Variants in ASIC2 observed in about 807,000 individuals in gnomAD.
ASIC2 encodes the protein acid sensing ion channel subunit 2.
In ASIC2, 25 loss-of-function variants were observed where a neutral mutation model predicts 57.3. The observed-to-expected ratio is 0.44, with a 90% CI of 0.32 to 0.61. ASIC2 has a LOEUF of 0.61. ASIC2 is among the 20% of genes least tolerant of loss of function. The probability of loss-of-function intolerance (pLI) is 0.06; values close to 1 mark genes in which losing one functional copy is unlikely to be tolerated. For synonymous variants in ASIC2, 319 were observed against 307.5 expected (o/e 1.04, Z -0.39); for missense variants, 641 against 738.1 (o/e 0.87, Z 1.52).
intron 1 of ASIC2, among the ~76,000 whole-genome samples, chr17:33,787,374 C>A (rs1007357191): frequency 6.6e-6 from 1 of 152,102 alleles, no homozygotes; most frequent in African/African-American, 2.4e-5. Flanking sequence ...TTCACACATT[C>A]CCCAGGAGGG....
intron 1 of ASIC2, among the ~76,000 whole-genome samples, chr17:33,331,916 A>G (rs1365570531): frequency 1.3e-5 from 2 of 152,252 alleles, no homozygotes; most frequent in African/African-American, 2.4e-5. Flanking sequence ...TTGACTGCAC[A>G]TGAACATCAC....
At chr17:33,719,500 A>G (rs1909321364) in intron 1 of ASIC2, among the ~76,000 whole-genome samples, 1 of 152,242 alleles carries the variant, frequency 6.6e-6, no homozygotes, top group Admixed American at 6.5e-5. Context: ...TCTGTCAGGA[A>G]CTTGTCTTAA....
At chr17:33,334,055 T>C (rs1042210300) in intron 1 of ASIC2, among the ~76,000 whole-genome samples, 3 of 152,314 alleles carry the variant, frequency 2.0e-5, no homozygotes, top group Admixed American at 6.5e-5. Flanking sequence ...AGCTGCTCAG[T>C]TGCTCAAAGT....
chr17:33,992,793 CATTTAGGATGTA>C (rs1484813722), intron 1 of ASIC2, among the ~76,000 whole-genome samples: 1 of 152,168 alleles, frequency 6.6e-6, no homozygotes, highest in Non-Finnish European at 1.5e-5. Flanking sequence ...CACTGCCAAG[CATTTAGGATGTA>C]ATAAGAACGT....
chr17:33,887,681 A>T (rs1365728035), intron 1 of ASIC2, among the ~76,000 whole-genome samples: 2 of 152,176 alleles, frequency 1.3e-5, no homozygotes, highest in East Asian at 3.9e-4. Flanking sequence ...AGTTCTTGTT[A>T]GGAAAAATCA....
chr17:33,113,675 A>G (rs1305112742), intron 1 of ASIC2, among the ~76,000 whole-genome samples: 1 of 152,204 alleles, frequency 6.6e-6, no homozygotes, highest in Non-Finnish European at 1.5e-5. Context: ...AGGGGCTTCT[A>G]CCCTGTGCCA....
intron 1 of ASIC2, among the ~76,000 whole-genome samples, chr17:34,013,353 C>A (rs962723384): frequency 6.6e-6 from 1 of 152,108 alleles, no homozygotes; most frequent in African/African-American, 2.4e-5. Flanking sequence ...CCTCCCAGGC[C>A]CACCCCCTTC....
chr17:33,692,981 C>A (rs1190110797), intron 1 of ASIC2, among the ~76,000 whole-genome samples: 1 of 152,074 alleles, frequency 6.6e-6, no homozygotes, highest in Non-Finnish European at 1.5e-5. Flanking sequence ...GCATTAAGTT[C>A]TTTAATTTGT....
chr17:33,068,531 A>AAACAAAACAG (rs2092053786), intron 3 of ASIC2, among the ~76,000 whole-genome samples: 2 of 150,750 alleles, frequency 1.3e-5, no homozygotes, highest in Non-Finnish European at 2.9e-5. Context: ...CTCCATCTCA[A>AAACAAAACAG]AACAAAACAA....
At chr17:34,032,455 T>C (rs1272544144) in intron 1 of ASIC2, among the ~76,000 whole-genome samples, 1 of 152,166 alleles carries the variant, frequency 6.6e-6, no homozygotes, top group Admixed American at 6.5e-5. Context: ...CTGCATCAAC[T>C]AATGAGCAAA....
At chr17:33,986,727 C>A (rs1236653756) in intron 1 of ASIC2, among the ~76,000 whole-genome samples, 1 of 152,034 alleles carries the variant, frequency 6.6e-6, no homozygotes, top group African/African-American at 2.4e-5. Flanking sequence ...TCATATTTAA[C>A]CCTCAGAGTA....
At chr17:33,472,020 CTTTT>C (rs58443184) in intron 1 of ASIC2, among the ~76,000 whole-genome samples, 9 of 139,472 alleles carry the variant, frequency 6.5e-5, no homozygotes, top group Non-Finnish European at 6.2e-5. Context: ...AGGGACTTTT[CTTTT>C]TTTTTTTTTT....
At chr17:33,695,910 A>C (rs574539789) in intron 1 of ASIC2, among the ~76,000 whole-genome samples, 2 of 152,344 alleles carry the variant, frequency 1.3e-5, no homozygotes, top group East Asian at 3.9e-4. Context: ...TGAAATTTTC[A>C]TTTAAATGTT....
intron 1 of ASIC2, among the ~76,000 whole-genome samples, chr17:34,023,786 A>T (rs1170244295): frequency 6.6e-6 from 1 of 152,122 alleles, no homozygotes; most frequent in Non-Finnish European, 1.5e-5. Flanking sequence ...GTTCTTTATA[A>T]ATTACCCAGT....
intron 1 of ASIC2, among the ~76,000 whole-genome samples, chr17:33,174,082 C>T (rs905592028): frequency 6.6e-6 from 1 of 152,164 alleles, no homozygotes; most frequent in Non-Finnish European, 1.5e-5. Context: ...TAGAGGCAGA[C>T]TTCCCTGGAA....
intron 1 of ASIC2, among the ~76,000 whole-genome samples, chr17:34,093,181 C>A (rs1263342471): frequency 1.3e-5 from 2 of 152,174 alleles, no homozygotes; most frequent in East Asian, 1.9e-4. Context: ...GAGCCTGAGT[C>A]CACACACATA....
intron 1 of ASIC2, among the ~76,000 whole-genome samples, chr17:34,109,880 C>T (rs1911204535): frequency 6.6e-6 from 1 of 151,982 alleles, no homozygotes; most frequent in African/African-American, 2.4e-5. Context: ...TTTTCTCTCT[C>T]TTTATCTATC....
chr17:34,132,991 T>C (rs1912035611), intron 1 of ASIC2, among the ~76,000 whole-genome samples: 1 of 152,192 alleles, frequency 6.6e-6, no homozygotes, highest in South Asian at 2.1e-4. Context: ...CACCCCAATT[T>C]AATACCACAT....
intron 1 of ASIC2, among the ~76,000 whole-genome samples, chr17:34,097,669 T>G (rs931710258): frequency 2.0e-5 from 3 of 152,162 alleles, no homozygotes; most frequent in African/African-American, 7.2e-5. Context: ...TTTTTGTGGT[T>G]TTTTAAAGAT....
Sources: gnomAD v4.1 joint callset for allele counts (sites outside exome capture counted in the v4.1 genomes callset) on GRCh38, gnomAD v4.1.1 for gene constraint, MANE v1.5 for transcripts, NCBI Gene and HGNC (gene_info 2026-07-23, HGNC 2026-07-21) for gene names.